The following ZMYM4 variants were observed in gnomAD, a reference collection of about 807,000 sequenced individuals.
ZMYM4 encodes the protein zinc finger MYM-type protein 4.
ZMYM4 carries 31 observed loss-of-function variants against 183.2 expected under a neutral mutation model. The ratio of observed to expected loss-of-function variants is 0.17; its 90% CI spans 0.13 to 0.23. ZMYM4 has a LOEUF of 0.23. Among genes scored for constraint, ZMYM4 ranks in the 10% least tolerant of loss-of-function variants. The probability of loss-of-function intolerance (pLI) is 1.00; values close to 1 mark genes in which losing one functional copy is unlikely to be tolerated. For missense variants in ZMYM4, 1,273 were observed against 1,840.3 expected (o/e 0.69, Z 5.64); for synonymous variants, 592 against 631.2 (o/e 0.94, Z 0.93).
chr1:35,300,618 A>C (rs976779486), intron 1 of ZMYM4, among the ~76,000 whole-genome samples: 2 of 151,222 alleles, frequency 1.3e-5, no homozygotes, highest in Non-Finnish European at 2.9e-5. Context: ...TTTATTTTGG[A>C]CTGTTTCTTT....
At chr1:35,374,595 T>G (rs1041119082) in intron 7 of ZMYM4, among the ~76,000 whole-genome samples, 1 of 150,588 alleles carries the variant, frequency 6.6e-6, no homozygotes, top group African/African-American at 2.4e-5. Context: ...AGCTCAGGAG[T>G]CTGAGACTCA....
chr1:35,411,187 C>CTTTTTTTTTTTTTTT (rs1019150941), intron 26 of ZMYM4, among the ~76,000 whole-genome samples: 1 of 131,482 alleles, frequency 7.6e-6, no homozygotes, highest in Non-Finnish European at 1.7e-5. Flanking sequence ...TTTCTTTTTT[C>CTTTTTTTTTTTTTTT]TTTTTTTTTT....
At chr1:35,290,552 C>T (rs1420139352) in intron 1 of ZMYM4, among the ~76,000 whole-genome samples, 1 of 152,138 alleles carries the variant, frequency 6.6e-6, no homozygotes, top group East Asian at 1.9e-4. Context: ...CCTCCTGCCT[C>T]TCCAATAGCT....
chr1:35,377,573 T>A (rs931947854), intron 7 of ZMYM4, among the ~76,000 whole-genome samples: 1 of 152,242 alleles, frequency 6.6e-6, no homozygotes, highest in Non-Finnish European at 1.5e-5. Flanking sequence ...GTGAGTGATA[T>A]TAATTTTTTG....
At chr1:35,282,980 G>GTT (rs775211352) in intron 1 of ZMYM4, among the ~76,000 whole-genome samples, 1,519 of 26,240 alleles carry the variant, frequency 0.058, 702 homozygotes, top group Middle Eastern at 0.15. Flanking sequence ...TGTGTGTGTG[G>GTT]TTTTTTTTTT....
chr1:35,304,604 G>A (rs997538922), intron 1 of ZMYM4, among the ~76,000 whole-genome samples: 2 of 150,018 alleles, frequency 1.3e-5, no homozygotes, highest in Non-Finnish European at 3.0e-5. Flanking sequence ...TGACTATAGC[G>A]TGTGCCACAA....
chr1:35,359,926 C>G (rs1172509178), intron 3 of ZMYM4, among the ~76,000 whole-genome samples: 1 of 151,560 alleles, frequency 6.6e-6, no homozygotes, highest in Non-Finnish European at 1.5e-5. Flanking sequence ...CCAAACATTT[C>G]TAATTTATGT....
intron 1 of ZMYM4, among the ~76,000 whole-genome samples, chr1:35,311,158 G>A (rs538237654): frequency 2.4e-4 from 37 of 152,054 alleles, no homozygotes; most frequent in East Asian, 3.9e-4. Flanking sequence ...TGTGGCTCAC[G>A]TCTGTAATCC....
At chr1:35,272,406 C>A (rs1032084633) in intron 1 of ZMYM4, among the ~76,000 whole-genome samples, 1 of 152,184 alleles carries the variant, frequency 6.6e-6, no homozygotes, top group East Asian at 1.9e-4. Flanking sequence ...TATATGCTGG[C>A]TCTCTTGATA....
At chr1:35,339,203 A>AAT (rs1455147447) in intron 2 of ZMYM4, among the ~76,000 whole-genome samples, 1 of 152,142 alleles carries the variant, frequency 6.6e-6, no homozygotes, top group East Asian at 1.9e-4. Context: ...TAAACAATAC[A>AAT]ATATAACAAC....
intron 1 of ZMYM4, among the ~76,000 whole-genome samples, chr1:35,305,322 T>C (rs651771): frequency 0.99 from 150,956 of 152,272 alleles, 74,841 homozygotes; most frequent in Non-Finnish European, 1. Flanking sequence ...TTTACTTATC[T>C]CTTTAGTTCT....
chr1:35,382,022 G>A (rs1283542296), intron 9 of ZMYM4, among the ~76,000 whole-genome samples: 3 of 151,732 alleles, frequency 2.0e-5, no homozygotes, highest in Non-Finnish European at 4.4e-5. Context: ...GCACATCCCT[G>A]TAATCCCAGC....
At chr1:35,320,792 AAT>A (rs1642249137) in intron 1 of ZMYM4, among the ~76,000 whole-genome samples, 2 of 152,256 alleles carry the variant, frequency 1.3e-5, no homozygotes, top group East Asian at 3.9e-4. Context: ...TGGTCACTGA[AAT>A]GTTCTGTGTT....
chr1:35,338,838 C>T (rs190638564), intron 2 of ZMYM4, among the ~76,000 whole-genome samples: 1 of 152,280 alleles, frequency 6.6e-6, no homozygotes, highest in South Asian at 2.1e-4. Flanking sequence ...TAGGCATTCT[C>T]TAAATGTTCT....
intron 1 of ZMYM4, among the ~76,000 whole-genome samples, chr1:35,322,323 CCAAA>C (rs1187839126): frequency 6.6e-6 from 1 of 152,092 alleles, no homozygotes; most frequent in Non-Finnish European, 1.5e-5. Context: ...TTAAGCTTTT[CCAAA>C]CAATTTTTTA....
intron 2 of ZMYM4, among the ~76,000 whole-genome samples, chr1:35,344,604 A>AT (rs1221817368): frequency 6.6e-6 from 1 of 151,648 alleles, no homozygotes; most frequent in Non-Finnish European, 1.5e-5. Flanking sequence ...TGATCATGTT[A>AT]TTTTTTCCTT....
intron 1 of ZMYM4, among the ~76,000 whole-genome samples, chr1:35,281,052 C>A (rs1640130828): frequency 6.6e-6 from 1 of 152,070 alleles, no homozygotes; most frequent in African/African-American, 2.4e-5. Flanking sequence ...TGAGAGGCCA[C>A]TGCGGGCGGA....
chr1:35,284,041 A>G (rs1043247558), intron 1 of ZMYM4, among the ~76,000 whole-genome samples: 2 of 151,760 alleles, frequency 1.3e-5, no homozygotes, highest in Non-Finnish European at 2.9e-5. Flanking sequence ...CAGTGGCGCA[A>G]TCTCGGCTCA....
intron 16 of ZMYM4, 102 bp downstream of exon 16, chr1:35,392,454 T>A (rs1644727766): frequency 6.9e-7 from 1 of 1,441,696 alleles, no homozygotes; most frequent in Non-Finnish European, 9.4e-7. Context: ...TTTGACACAT[T>A]CAATATTAGG....
Sources: gnomAD v4.1 joint callset for allele counts (sites outside exome capture counted in the v4.1 genomes callset) on GRCh38, gnomAD v4.1.1 for gene constraint, MANE v1.5 for transcripts, NCBI Gene and HGNC (gene_info 2026-07-23, HGNC 2026-07-21) for gene names.